EFCAB11: variants seen among roughly 807,000 people sequenced by gnomAD.
The protein encoded by EFCAB11 is EF-hand calcium-binding domain-containing protein 11.
In EFCAB11, 14 loss-of-function variants were observed where a neutral mutation model predicts 23.0. That is an observed-to-expected ratio of 0.61 (90% CI 0.40 to 0.95). The LOEUF (loss-of-function observed/expected upper bound fraction) is 0.95. EFCAB11 is among the 40% of genes least tolerant of loss of function. The pLI is 0.00. For synonymous variants in EFCAB11, 65 were observed against 66.6 expected (o/e 0.98, Z 0.11); for missense variants, 198 against 195.8 (o/e 1.01, Z -0.07).
At chr14:89,816,722 G>C (rs1363462911) in intron 5 of EFCAB11, among the ~76,000 whole-genome samples, 3 of 151,890 alleles carry the variant, frequency 2.0e-5, no homozygotes, top group Non-Finnish European at 4.4e-5. Context: ...ACGGTGAAAA[G>C]GCAAGAAAAA....
chr14:89,822,122 C>T (rs923636266), intron 5 of EFCAB11, among the ~76,000 whole-genome samples: 11 of 151,872 alleles, frequency 7.2e-5, no homozygotes, highest in African/African-American at 2.2e-4. Flanking sequence ...TTGTTTACAC[C>T]GAATCTATTG....
At chr14:89,825,159 C>T (rs959582395) in intron 5 of EFCAB11, among the ~76,000 whole-genome samples, 3 of 139,424 alleles carry the variant, frequency 2.2e-5, no homozygotes, top group Non-Finnish European at 3.1e-5. Flanking sequence ...AATTGAATAA[C>T]GGAATGAAAT....
At chr14:89,876,639 G>A (rs1888447653) in intron 5 of EFCAB11, among the ~76,000 whole-genome samples, 1 of 152,160 alleles carries the variant, frequency 6.6e-6, no homozygotes, top group Admixed American at 6.5e-5. Flanking sequence ...AAAGAGGGGG[G>A]AAAGTAAATC....
chr14:89,854,505 T>C (rs1172715140), intron 5 of EFCAB11, among the ~76,000 whole-genome samples: 1 of 152,198 alleles, frequency 6.6e-6, no homozygotes, highest in Admixed American at 6.5e-5. Context: ...CTCTCTTCAG[T>C]ACCGGCAATC....
chr14:89,900,952 G>A (rs1443999179), intron 5 of EFCAB11, among the ~76,000 whole-genome samples: 2 of 152,100 alleles, frequency 1.3e-5, no homozygotes, highest in Admixed American at 6.6e-5. Context: ...TTTTAAGTCA[G>A]TATATTATGA....
chr14:89,883,838 G>A (rs1175751117), intron 5 of EFCAB11, among the ~76,000 whole-genome samples: 1 of 152,196 alleles, frequency 6.6e-6, no homozygotes. Flanking sequence ...TACAAATAAT[G>A]TCCATATAGT....
chr14:89,929,350 G>A (rs1029551127), intron 5 of EFCAB11, among the ~76,000 whole-genome samples: 5 of 151,912 alleles, frequency 3.3e-5, no homozygotes, highest in African/African-American at 9.7e-5. Flanking sequence ...ACACCAGGCC[G>A]AATTTCTGTT....
chr14:89,893,515 T>C (rs1003226368), intron 5 of EFCAB11, among the ~76,000 whole-genome samples: 1 of 151,898 alleles, frequency 6.6e-6, no homozygotes, highest in African/African-American at 2.4e-5. Context: ...CTTGCCCCAC[T>C]CTCTGGGAAA....
rs148281304 is a variant in EFCAB11, at chr14:89,847,048, T to C, written c.411-49724A>G. Among the ~76,000 whole-genome samples the C allele has an allele frequency of 2.1e-3, 314 of 152,376 alleles. 1 individual carries two copies. The highest frequency in any genetic ancestry group is 3.8e-3 in the Non-Finnish European group (261 of 68,040). Reference sequence around the variant, plus strand: ...TTAGCACCTCATTCTTCAAAAGGAATTTATACCAGTTTTCTCCACTTCATC... The same window carrying C: ...TTAGCACCTCATTCTTCAAAAGGAACTTATACCAGTTTTCTCCACTTCATC... On this transcript the variant is annotated intron_variant, in intron 5 of 5. Transcript: ENST00000316738.
chr14:89,926,614 A>G (rs1357326840), intron 5 of EFCAB11, among the ~76,000 whole-genome samples: 1 of 152,246 alleles, frequency 6.6e-6, no homozygotes, highest in African/African-American at 2.4e-5. Flanking sequence ...ACATGGTAAT[A>G]TACTAAGAGC....
At chr14:89,841,279 G>C (rs1324708295) in intron 5 of EFCAB11, among the ~76,000 whole-genome samples, 1 of 151,820 alleles carries the variant, frequency 6.6e-6, no homozygotes, top group Non-Finnish European at 1.5e-5. Flanking sequence ...GACTCTTCTG[G>C]AACACCCCAT....
chr14:89,867,517 C>T (rs886784688), intron 5 of EFCAB11, among the ~76,000 whole-genome samples: 5 of 152,212 alleles, frequency 3.3e-5, no homozygotes, highest in Admixed American at 6.5e-5. Flanking sequence ...GCTCCTCTTA[C>T]GGCTGCTCTG....
intron 5 of EFCAB11, among the ~76,000 whole-genome samples, chr14:89,805,287 TG>T (rs2140081531): frequency 1.3e-5 from 2 of 152,332 alleles, no homozygotes; most frequent in Non-Finnish European, 2.9e-5. Flanking sequence ...GGGAGCTCAC[TG>T]GCCTTAACCA....
At chr14:89,942,654 T>A (rs1566822380) in intron 3 of EFCAB11, among the ~76,000 whole-genome samples, 1 of 152,152 alleles carries the variant, frequency 6.6e-6, no homozygotes, top group Non-Finnish European at 1.5e-5. Flanking sequence ...TTGATTTTTT[T>A]CTCCCACTCA....
chr14:89,872,908 A>G (rs1888327195), intron 5 of EFCAB11, among the ~76,000 whole-genome samples: 1 of 152,176 alleles, frequency 6.6e-6, no homozygotes, highest in Non-Finnish European at 1.5e-5. Flanking sequence ...GAGAGAAGGT[A>G]GCCATCTGCA....
intron 5 of EFCAB11, among the ~76,000 whole-genome samples, chr14:89,852,385 T>C (rs1887625012): frequency 6.6e-6 from 1 of 152,176 alleles, no homozygotes; most frequent in African/African-American, 2.4e-5. Flanking sequence ...TGCTGATTGT[T>C]CTCAGCTAAG....
intron 5 of EFCAB11, among the ~76,000 whole-genome samples, chr14:89,927,807 G>A (rs1046353240): frequency 2.0e-5 from 3 of 151,076 alleles, no homozygotes; most frequent in East Asian, 2.0e-4. Flanking sequence ...CTACAACTTC[G>A]ACCTCCCGGG....
intron 5 of EFCAB11, among the ~76,000 whole-genome samples, chr14:89,818,475 G>C (rs1053457649): frequency 4.0e-5 from 6 of 151,738 alleles, no homozygotes; most frequent in African/African-American, 1.2e-4. Context: ...GAGGGAGGAA[G>C]GGAGGGAAGA....
chr14:89,945,649 C>T (rs187337602), intron 3 of EFCAB11, among the ~76,000 whole-genome samples: 1 of 152,218 alleles, frequency 6.6e-6, no homozygotes, highest in Admixed American at 6.5e-5. Flanking sequence ...CAGAGTATGA[C>T]CAATTTTATT....
Sources: allele counts gnomAD v4.1 joint callset (sites outside exome capture counted in the v4.1 genomes callset), GRCh38; gene constraint gnomAD v4.1.1; transcripts MANE v1.5; gene names NCBI Gene and HGNC (gene_info 2026-07-23, HGNC 2026-07-21).